NRG1: variants seen among roughly 807,000 people sequenced by gnomAD.
NRG1 encodes the protein pro-neuregulin-1, membrane-bound isoform.
NRG1 carries 18 observed loss-of-function variants against 63.8 expected under a neutral mutation model. The observed-to-expected ratio is 0.28, with a 90% CI of 0.19 to 0.42. The LOEUF (loss-of-function observed/expected upper bound fraction) is 0.42. Among genes scored for constraint, NRG1 ranks in the 10% least tolerant of loss-of-function variants. The probability of loss-of-function intolerance (pLI) is 1.00; values close to 1 mark genes in which losing one functional copy is unlikely to be tolerated. For missense variants in NRG1, 762 were observed against 814.7 expected, an observed-to-expected ratio of 0.94 and a Z score of 0.79; for synonymous variants, 302 against 301.3, an observed-to-expected ratio of 1.00 and a Z score of -0.02.
rs150824218 is a variant in NRG1 at position 32,578,107 on chromosome 8, GC to G, written c.101-17719del. Among the ~76,000 whole-genome samples, 1,324 of 152,140 alleles carry G rather than the reference GC, an allele frequency of 8.7e-3. 17 individuals are homozygous for G. The highest frequency in any genetic ancestry group is 0.03 in the African/African-American group (1,261 of 41,496). On this transcript the variant is annotated intron_variant, in intron 1 of 11. Coordinates refer to ENST00000356819, the Ensembl canonical transcript of NRG1. Reference sequence around the variant, plus strand: ...CCTCCCAGGTTCAAGCGATTCTCTAGCCTCAGCCTCCTGAGTAGCTGGGATT... The same window carrying G: ...CCTCCCAGGTTCAAGCGATTCTCTAGCTCAGCCTCCTGAGTAGCTGGGATT...
chr8:32,605,255 A>G (rs943950896), intron 2 of NRG1, among the ~76,000 whole-genome samples: 2 of 152,190 alleles, frequency 1.3e-5, no homozygotes, highest in Admixed American at 6.6e-5. Context: ...TTAAAAATCT[A>G]AAGTATAACA....
chr8:32,243,724 G>A (rs184063413), intron 1 of NRG1, among the ~76,000 whole-genome samples: 1 of 152,020 alleles, frequency 6.6e-6, no homozygotes, highest in Non-Finnish European at 1.5e-5. Context: ...CTACTGTGAC[G>A]GTGTTTGAGA....
intron 1 of NRG1, among the ~76,000 whole-genome samples, chr8:32,195,118 A>G (rs565347230): frequency 3.9e-4 from 59 of 152,064 alleles, no homozygotes; most frequent in African/African-American, 1.3e-3. Context: ...ACCTTTTAGG[A>G]TTATCTGTTG....
At chr8:31,730,528 AT>A (rs1813922997) in intron 1 of NRG1, among the ~76,000 whole-genome samples, 1 of 152,172 alleles carries the variant, frequency 6.6e-6, no homozygotes. Context: ...GGAAAGATAG[AT>A]TGGGGAACAG....
At chr8:32,554,121 C>T (rs1238935174) in intron 1 of NRG1, among the ~76,000 whole-genome samples, 1 of 152,090 alleles carries the variant, frequency 6.6e-6, no homozygotes, top group African/African-American at 2.4e-5. Flanking sequence ...AACCCTGGAG[C>T]TCCCCCTCTT....
chr8:32,438,714 T>C (rs1819102817), intron 1 of NRG1, among the ~76,000 whole-genome samples: 1 of 152,220 alleles, frequency 6.6e-6, no homozygotes, highest in African/African-American at 2.4e-5. Flanking sequence ...TTACTTTTTT[T>C]ATTTTAGCCA....
chr8:31,669,807 G>A (rs1806934413), intron 1 of NRG1, among the ~76,000 whole-genome samples: 1 of 152,118 alleles, frequency 6.6e-6, no homozygotes, highest in Non-Finnish European at 1.5e-5. Flanking sequence ...GGCTGGGAGG[G>A]CCTTTTTTCC....
At chr8:32,484,742 A>C (rs926551189) in intron 1 of NRG1, among the ~76,000 whole-genome samples, 1 of 152,158 alleles carries the variant, frequency 6.6e-6, no homozygotes, top group African/African-American at 2.4e-5. Context: ...AAGTTAACAC[A>C]TTTATTTGTG....
intron 11 of NRG1, among the ~76,000 whole-genome samples, chr8:32,762,107 C>T (rs1830823721): frequency 6.6e-6 from 1 of 151,308 alleles, no homozygotes; most frequent in South Asian, 2.1e-4. Flanking sequence ...AGGGCCTTTC[C>T]CCAAAAATGA....
chr8:32,184,090 A>ATG (rs34898466), intron 1 of NRG1, among the ~76,000 whole-genome samples: 3 of 145,368 alleles, frequency 2.1e-5, no homozygotes, highest in Non-Finnish European at 4.5e-5. Flanking sequence ...CTATATATGT[A>ATG]TGTGTGTGTG....
At chr8:32,331,716 G>C (rs1802678365) in intron 1 of NRG1, among the ~76,000 whole-genome samples, 1 of 152,158 alleles carries the variant, frequency 6.6e-6, no homozygotes, top group African/African-American at 2.4e-5. Context: ...TAGTGACTGG[G>C]TTAGGGGGTG....
In NRG1 at chr8:31,987,026, A is replaced by G. The variant is rs577125119; in HGVS notation, c.37+347595A>G. 2.6e-5 allele frequency among the ~76,000 whole-genome samples: 4 copies of G among 152,192 alleles called. No homozygotes were observed. In the South Asian group the frequency reaches 8.3e-4, roughly 32 times the overall value. Reference sequence around the variant, plus strand: ...TAAAATGTATTAGTGTTGGCTGAGCATGGTGGCTCACGCCTATAATCCTAG... The same window carrying G: ...TAAAATGTATTAGTGTTGGCTGAGCGTGGTGGCTCACGCCTATAATCCTAG... On this transcript the variant is annotated intron_variant, in intron 1 of 10. Transcript: ENST00000519301.
chr8:31,734,907 C>T (rs761047505), intron 1 of NRG1, among the ~76,000 whole-genome samples: 2 of 152,062 alleles, frequency 1.3e-5, no homozygotes, highest in Non-Finnish European at 2.9e-5. Context: ...TCCAGCCATC[C>T]CTATTATGAC....
At chr8:32,734,211 G>C (rs1824434858) in intron 6 of NRG1, among the ~76,000 whole-genome samples, 1 of 152,168 alleles carries the variant, frequency 6.6e-6, no homozygotes, top group African/African-American at 2.4e-5. Flanking sequence ...ACTAGCTAAG[G>C]TTAACATTTT....
intron 5 of NRG1, among the ~76,000 whole-genome samples, chr8:32,680,479 A>G (rs1808314958): frequency 6.6e-6 from 1 of 152,212 alleles, no homozygotes; most frequent in African/African-American, 2.4e-5. Flanking sequence ...TTATTGAGGC[A>G]TGATCCAGTT....
rs551216371 is a variant in NRG1 at position 32,230,821 on chromosome 8, G to C, written c.38-365007G>C. 7.3e-5 allele frequency among the ~76,000 whole-genome samples: 11 copies of C among 151,510 alleles called. No individual in the cohort carries two copies. In the South Asian group the frequency reaches 1.5e-3, roughly 20 times the overall value. ...ACATACAATGTATAATAATCTTATCGGGGCAATTGGGGTGTCCATCACCTC... is the reference window on the plus strand; with the variant it reads ...ACATACAATGTATAATAATCTTATCCGGGCAATTGGGGTGTCCATCACCTC... On this transcript the variant is annotated intron_variant, in intron 1 of 10. Coordinates refer to the NRG1 transcript ENST00000519301.
At chr8:32,698,752 T>G (rs10103952) in intron 5 of NRG1, among the ~76,000 whole-genome samples, 1 of 152,110 alleles carries the variant, frequency 6.6e-6, no homozygotes, top group African/African-American at 2.4e-5. Context: ...TTTGGAGGCT[T>G]TCTAGTCTTT....
intron 1 of NRG1, among the ~76,000 whole-genome samples, chr8:32,570,845 G>T (rs1838433031): frequency 6.6e-6 from 1 of 152,132 alleles, no homozygotes. Flanking sequence ...TATGAATTAT[G>T]ATTATAGGGT....
At position 32,742,057 on chromosome 8, in the gene NRG1, A is replaced by G; in HGVS notation, c.633-618A>G. 1 of 1,613,692 alleles carries G rather than the reference A, an allele frequency of 6.2e-7. No individual in the cohort carries two copies. The highest frequency in any genetic ancestry group is 8.5e-7 in the Non-Finnish European group (1 of 1,179,756). On this transcript the variant is annotated intron_variant, in intron 6 of 11. Transcript: ENST00000356819. This position sits in a 1 kb window ranked among gnomAD's most constrained non-coding sequence, Gnocchi z 4.2. ...AAGATGTACTGAGAATGTGCCCATG[A>G]AAGTCCAAAACCAAGAAAGTATGTC...
Sources: allele counts gnomAD v4.1 joint callset (sites outside exome capture counted in the v4.1 genomes callset), GRCh38; gene constraint gnomAD v4.1.1; non-coding constraint Gnocchi (gnomAD v3.1); transcripts MANE v1.5; gene names NCBI Gene and HGNC (gene_info 2026-07-23, HGNC 2026-07-21).